Variants in EIF4E3 observed in about 807,000 individuals in gnomAD.
EIF4E3 encodes the protein eukaryotic translation initiation factor 4E family member 3.
A neutral mutation model predicts 31.7 loss-of-function variants in EIF4E3; 26 were observed. The ratio of observed to expected loss-of-function variants is 0.82; its 90% CI spans 0.60 to 1.14. The LOEUF is 1.14. Among genes scored for constraint, EIF4E3 ranks in the 50% most tolerant of loss-of-function variants. The pLI is 0.00. For missense variants in EIF4E3, 304 were observed against 270.9 expected (o/e 1.12, Z -0.86); for synonymous variants, 128 against 107.7 (o/e 1.19, Z -1.17).
At chr3:71,712,644 G>GGGGGGGGGGGGGGGC (rs35405190) in intron 1 of EIF4E3, among the ~76,000 whole-genome samples, 26 of 123,988 alleles carry the variant, frequency 2.1e-4, no homozygotes, top group African/African-American at 3.5e-4. Context: ...GTGGGCGGGG[G>GGGGGGGGGGGGGGGC]AGATTCTAGG....
chr3:71,719,459 AAC>A (rs2049513216), intron 1 of EIF4E3, among the ~76,000 whole-genome samples: 1 of 152,088 alleles, frequency 6.6e-6, no homozygotes, highest in Non-Finnish European at 1.5e-5. Context: ...CACTTTGAGA[AAC>A]ACAGGCTTGG....
chr3:71,749,822 C>A (rs1284184255), intron 1 of EIF4E3, among the ~76,000 whole-genome samples: 2 of 152,170 alleles, frequency 1.3e-5, no homozygotes, highest in African/African-American at 4.8e-5. Context: ...TGAAGGCATG[C>A]AATTTGGTGC....
the EIF4E3 span, among the ~76,000 whole-genome samples, chr3:71,666,887 C>T: frequency 4.6e-5 from 7 of 152,000 alleles, no homozygotes; most frequent in African/African-American, 1.4e-4. Context: ...TGCAGTGAGC[C>T]GAGGTCACGC....
At chr3:71,707,018 CTG>C (rs1491225266) in intron 2 of EIF4E3, among the ~76,000 whole-genome samples, 1 of 152,174 alleles carries the variant, frequency 6.6e-6, no homozygotes, top group African/African-American at 2.4e-5. Context: ...ACATACACCT[CTG>C]TGTTAGTGGT....
chr3:71,753,932 G>C, upstream of EIF4E3: 1 of 1,007,272 alleles, frequency 9.9e-7, no homozygotes, highest in South Asian at 4.5e-5. Flanking sequence ...GCTGAGCCCC[G>C]CAGGACGGGG....
At chr3:71,668,508 C>T in the EIF4E3 span, among the ~76,000 whole-genome samples, 10 of 150,892 alleles carry the variant, frequency 6.6e-5, no homozygotes, top group Non-Finnish European at 1.2e-4. Context: ...TGACAAAGGG[C>T]TAATATCCAG....
chr3:71,715,255 A>G (rs749095112), intron 1 of EIF4E3, among the ~76,000 whole-genome samples: 11 of 152,168 alleles, frequency 7.2e-5, no homozygotes, highest in Non-Finnish European at 7.3e-5. Flanking sequence ...ATGCAAAGAA[A>G]CCCTCCTGGC....
At chr3:71,715,724 C>T (rs2049454955) in intron 1 of EIF4E3, among the ~76,000 whole-genome samples, 1 of 152,168 alleles carries the variant, frequency 6.6e-6, no homozygotes, top group African/African-American at 2.4e-5. Flanking sequence ...AATAGTTCCA[C>T]CAGGAGTTTC....
At chr3:71,671,631 C>A (rs143816175), downstream of EIF4E3, among the ~76,000 whole-genome samples, 1 of 152,132 alleles carries the variant, frequency 6.6e-6, no homozygotes, top group Non-Finnish European at 1.5e-5. Context: ...ACTTAACCAT[C>A]CCTCGCCTCA....
intron 2 of EIF4E3, among the ~76,000 whole-genome samples, chr3:71,705,528 A>G (rs560241230): frequency 1.2e-3 from 185 of 152,338 alleles, no homozygotes; most frequent in African/African-American, 4.3e-3. Context: ...GCAAATTTAA[A>G]TAAGAAGTCA....
downstream of EIF4E3, among the ~76,000 whole-genome samples, chr3:71,671,438 C>T (rs1219130888): frequency 6.6e-6 from 1 of 152,246 alleles, no homozygotes; most frequent in Admixed American, 6.5e-5. Context: ...AGGGGGAGGG[C>T]TAACTCTCGG....
At chr3:71,705,771 G>C (rs965641057) in intron 2 of EIF4E3, among the ~76,000 whole-genome samples, 1 of 152,194 alleles carries the variant, frequency 6.6e-6, no homozygotes, top group Non-Finnish European at 1.5e-5. Context: ...AGGTAAAACA[G>C]GGCTTGTTCA....
chr3:71,701,796 C>CA (rs370957145), intron 2 of EIF4E3, among the ~76,000 whole-genome samples: 196 of 152,154 alleles, frequency 1.3e-3, no homozygotes, highest in African/African-American at 4.4e-3. Context: ...AAATTGAAGG[C>CA]AAAAAACTAC....
At chr3:71,685,189 G>A (rs2048975864) in intron 6 of EIF4E3, among the ~76,000 whole-genome samples, 1 of 152,084 alleles carries the variant, frequency 6.6e-6, no homozygotes, top group South Asian at 2.1e-4. Context: ...CAGGGTGACA[G>A]CAATTATATC....
upstream of EIF4E3, chr3:71,754,086 G>A (rs1578399374): frequency 2.2e-6 from 3 of 1,337,568 alleles, no homozygotes; most frequent in Non-Finnish European, 2.9e-6. The surrounding 1 kb of genome is among the most constrained non-coding windows in gnomAD (Gnocchi z 5.8). Context: ...CAGCGGCGGC[G>A]GCGAGGCGGC....
At position 71,693,911 on chromosome 3, in the gene EIF4E3, T is replaced by G. The variant is rs770093039; in HGVS notation, c.436A>C (p.Thr146Pro). 1 of 1,586,356 alleles carries G rather than the reference T, an allele frequency of 6.3e-7. No individual in the cohort carries two copies. Among genetic ancestry groups the G allele is most frequent in the Non-Finnish European group, 8.6e-7 (1 of 1,166,066 alleles). ...STVWKELLLA[T>P]IGEQFTDCAA... ...CAGTCTGTGAACTGTTCCCCGATGG[T>G]TGCTAACAGCAACTCTTTCCAAACT... Residue 146 changes from threonine to proline, a missense_variant, in exon 5 of 7, where the codon ACC (threonine) becomes CCC (proline). Physicochemically the swap from Thr to Pro is conservative, Grantham distance 38. Transcript: ENST00000425534.
chr3:71,706,991 A>G (rs2049302738), intron 2 of EIF4E3, among the ~76,000 whole-genome samples: 1 of 152,262 alleles, frequency 6.6e-6, no homozygotes, highest in South Asian at 2.1e-4. Context: ...AAAGTTATTG[A>G]TAAGTTAAAT....
intron 1 of EIF4E3, among the ~76,000 whole-genome samples, chr3:71,752,476 T>C (rs899797538): frequency 6.6e-6 from 1 of 152,172 alleles, no homozygotes; most frequent in African/African-American, 2.4e-5. Context: ...TCTATGATCT[T>C]GCACTATCCT....
chr3:71,745,780 G>C (rs2049865843), intron 1 of EIF4E3, among the ~76,000 whole-genome samples: 1 of 152,142 alleles, frequency 6.6e-6, no homozygotes, highest in Non-Finnish European at 1.5e-5. Context: ...CCACTAGAGA[G>C]AGTTTAAACA....
Sources: allele counts gnomAD v4.1 joint callset (sites outside exome capture counted in the v4.1 genomes callset), GRCh38; gene constraint gnomAD v4.1.1; non-coding constraint Gnocchi (gnomAD v3.1); transcripts MANE v1.5; gene names NCBI Gene and HGNC (gene_info 2026-07-23, HGNC 2026-07-21).